ZNF304: variants seen among roughly 807,000 people sequenced by gnomAD.
The protein encoded by ZNF304 is zinc finger protein 304.
A neutral mutation model predicts 7.8 loss-of-function variants in ZNF304; 7 were observed. The ratio of observed to expected loss-of-function variants is 0.90; its 90% confidence interval spans 0.51 to 1.69. The LOEUF is 1.69. Among genes scored for constraint, ZNF304 ranks in the 40% most tolerant of loss-of-function variants. The pLI, the probability that ZNF304 is intolerant of heterozygous loss-of-function variation, is 0.00. For synonymous variants in ZNF304, 280 were observed against 272.4 expected (o/e 1.03, Z -0.27); for missense variants, 669 against 804.8 (o/e 0.83, Z 2.04).
chr19:57,355,399 G>T (rs773684061), intron 2 of ZNF304: 2 of 763,686 alleles, frequency 2.6e-6, no homozygotes, highest in Non-Finnish European at 4.8e-6. Flanking sequence ...TGCTGAATGG[G>T]AGCTGGAAGA....
At chr19:57,352,022 G>T (rs919600826) in intron 1 of ZNF304, 2 of 335,280 alleles carry the variant, frequency 6.0e-6, no homozygotes, top group Admixed American at 9.1e-5. Context: ...GTCATGCAAG[G>T]TTTGGTACAG....
rs773297335 is a variant in ZNF304 at position 57,356,892 on chromosome 19, A to G, written c.1023A>G (p.Gly341=). ...GATCTTATGACTGCAGTGAATGTGG[A>G]AAAGCCTACAGCAGAAGCTCCCACC... The part of the protein sequence containing the change: ...GERSYDCSEC[G]KAYSRSSHLV... The change falls in exon 3 of 3, where the codon GGA becomes GGG. Residue 341 remains glycine, a synonymous_variant. Coordinates refer to ENST00000282286, the MANE Select transcript of ZNF304 (RefSeq NM_020657.4). The G allele has an allele frequency of 6.2e-7, 1 of 1,613,964 alleles. No individual in the cohort carries two copies. The highest frequency in any genetic ancestry group is 1.1e-5 in the South Asian group (1 of 91,068).
intron 1 of ZNF304, among the ~76,000 whole-genome samples, chr19:57,353,056 C>G (rs1215742326): frequency 1.3e-5 from 2 of 152,076 alleles, no homozygotes; most frequent in African/African-American, 4.8e-5. Flanking sequence ...AAAATGGTGG[C>G]CAGTGTGTGG....
In ZNF304 at chr19:57,351,680, C is replaced by T. The variant is rs757471782; in HGVS notation, c.16C>T (p.Leu6=). The change falls in exon 1 of 3, where the codon CTG becomes TTG. Residue 6 remains leucine, a synonymous_variant. Transcript: ENST00000282286. The surrounding 1 kb of genome is among the most constrained non-coding windows in gnomAD (Gnocchi z 4.1). MAAAV[L]MDRVQSCVTF... The stretch of plus-strand genomic sequence containing the variant: ...TCCGCTTCTCATGGCAGCGGCGGTG[C>T]TGATGGACCGGGTTCAGGTGAGTGG... The T allele has an allele frequency of 1.2e-6, 2 of 1,612,872 alleles. No individual in the cohort carries two copies. Among genetic ancestry groups the T allele is most frequent in the African/African-American group, 2.7e-5 (2 of 74,908 alleles).
Position 57,357,837 on chromosome 19 carries a change from TA to T in ZNF304, c.1971del (p.Lys657AsnfsTer27), listed in dbSNP as rs2088368544. 2 of 1,589,008 alleles carry T rather than the reference TA, an allele frequency of 1.3e-6. No homozygotes were observed. Among genetic ancestry groups the T allele is most frequent in the African/African-American group, 1.4e-5 (1 of 73,412 alleles). ...TTGGTGGCCCTTTAGCTGCATCTCT[TA>T]AACTTGTTTAACACCAGAAAATTCA... The part of the protein sequence containing the change: ...SFGGPLAASL[K>X]LV On this transcript the variant is annotated frameshift_variant, in exon 3 of 3. Transcript: ENST00000282286. LOFTEE classifies it high-confidence loss of function.
rs764889746 is a variant in ZNF304 at position 57,357,600 on chromosome 19, C to T, written c.1731C>T (p.His577=). The T allele has an allele frequency of 5.9e-5, 95 of 1,614,102 alleles. No homozygotes were observed. The highest frequency in any genetic ancestry group is 7.6e-6 in the Non-Finnish European group (9 of 1,180,046). The part of the protein sequence containing the change: ...AYISSSHLVQ[H]KKVHTGARPY... The stretch of plus-strand genomic sequence containing the variant: ...TTAGTAGCTCCCACCTTGTTCAACA[C>T]AAGAAAGTTCACACTGGAGCAAGAC... Residue 577 remains histidine, a synonymous_variant, in exon 3 of 3, where the codon CAC becomes CAT. Transcript: ENST00000282286.
intron 2 of ZNF304, among the ~76,000 whole-genome samples, chr19:57,354,536 G>A (rs1383666737): frequency 1.3e-5 from 2 of 152,190 alleles, no homozygotes; most frequent in East Asian, 3.8e-4. Flanking sequence ...TGACACAGAA[G>A]CTAACTTCTC....
In ZNF304 at chr19:57,351,473, C is replaced by T. The variant is rs555262906; in HGVS notation, c.-192C>T. The T allele has an allele frequency of 6.3e-6, 4 of 634,968 alleles. No individual in the cohort carries two copies. The Admixed American group carries it at 8.6e-5, about 14-fold the overall frequency. The allele number at this position is 634,968 out of a possible 1,614,324, so 39.3% of individuals were successfully genotyped here. ...CGCGGAGGTGTCTGCCGGGGCTGGG[C>T]TCTTACCGAGGCCTCCACACACGTC... On this transcript the variant is annotated 5_prime_UTR_variant, in exon 1 of 3. Coordinates refer to ENST00000282286, the MANE Select transcript of ZNF304 (RefSeq NM_020657.4). The surrounding 1 kb of genome is among the most constrained non-coding windows in gnomAD (Gnocchi z 4.1).
At chr19:57,352,073 C>T (rs928243769) in intron 1 of ZNF304, 1 of 235,040 alleles carries the variant, frequency 4.3e-6, no homozygotes, top group Non-Finnish European at 8.3e-6. Flanking sequence ...AAGGCTCCCT[C>T]TGGCTGCAGA....
At position 57,357,360 on chromosome 19, in the gene ZNF304, C is replaced by T; in HGVS notation, c.1491C>T (p.His497=). 6 of 1,613,860 alleles carry T rather than the reference C, an allele frequency of 3.7e-6. No homozygotes were observed. The highest frequency in any genetic ancestry group is 5.1e-6 in the Non-Finnish European group (6 of 1,179,948). ...KDTLVQHQKI[H]TGERPYECGE... ...CACTTGTGCAACACCAAAAAATCCA[C>T]ACTGGAGAAAGGCCTTATGAGTGTG... is the stretch of plus-strand genomic sequence containing the variant. Residue 497 remains histidine, a synonymous_variant, in exon 3 of 3, where the codon CAC becomes CAT. Coordinates refer to ENST00000282286, the MANE Select transcript of ZNF304 (RefSeq NM_020657.4).
intron 2 of ZNF304, among the ~76,000 whole-genome samples, chr19:57,355,768 T>C (rs1195896128): frequency 6.6e-6 from 1 of 152,254 alleles, no homozygotes; most frequent in African/African-American, 2.4e-5. Flanking sequence ...GCTGAAACTC[T>C]CTTGCAGAGG....
At position 57,351,615 on chromosome 19, in the gene ZNF304, C is replaced by T. The variant is rs748169982; in HGVS notation, c.-50C>T. 5 of 1,610,452 alleles carry T rather than the reference C, an allele frequency of 3.1e-6. No homozygotes were observed. In the African/African-American group the frequency reaches 5.3e-5, roughly 17 times the overall value. ...CCGAGGGCGTCCAGCGCGGTGGAGG[C>T]GTGGGGTTTCGGCTGAGCCCACAGG... is the stretch of plus-strand genomic sequence containing the variant. On this transcript the variant is annotated 5_prime_UTR_variant, in exon 1 of 3. Transcript: ENST00000282286. The surrounding 1 kb of genome is among the most constrained non-coding windows in gnomAD (Gnocchi z 4.1).
Position 57,356,143 on chromosome 19 carries a change from G to A in ZNF304, c.274G>A (p.Glu92Lys). ...SGLFQKAHPC[E>K]MCDPLLKDIL... ...TCTTTTCCAGAAAGCACACCCATGT[G>A]AGATGTGTGACCCACTCTTGAAAGA... Residue 92 changes from glutamate to lysine, a missense_variant, in exon 3 of 3, where the codon GAG (glutamate) becomes AAG (lysine). Coordinates refer to ENST00000282286, the MANE Select transcript of ZNF304 (RefSeq NM_020657.4). 1 of 1,614,280 alleles carries A rather than the reference G, an allele frequency of 6.2e-7. No individual in the cohort carries two copies. The highest frequency in any genetic ancestry group is 8.5e-7 in the Non-Finnish European group (1 of 1,180,054).
chr19:57,356,435 A>C lies in ZNF304; in HGVS notation c.566A>C (p.Tyr189Ser). ...SSGLFQHQTT[Y>S]NRVSPCRRTE... ...GGCCTTTTCCAGCACCAGACCACTT[A>C]CAATAGGGTGAGTCCATGCAGAAGG... is the stretch of plus-strand genomic sequence containing the variant. Residue 189 changes from tyrosine to serine, a missense_variant, in exon 3 of 3, where the codon TAC (tyrosine) becomes TCC (serine). Tyr to Ser is a moderately radical substitution (Grantham distance 144). Transcript: ENST00000282286. 1 of 1,614,208 alleles carries C rather than the reference A, an allele frequency of 6.2e-7. No homozygotes were observed. The highest frequency in any genetic ancestry group is 8.5e-7 in the Non-Finnish European group (1 of 1,180,036).
Position 57,356,973 on chromosome 19 carries a change from T to C in ZNF304, c.1104T>C (p.Cys368=), listed in dbSNP as rs1368913648. 2 of 1,605,620 alleles carry C rather than the reference T, an allele frequency of 1.2e-6. No individual in the cohort carries two copies. The highest frequency in any genetic ancestry group is 1.1e-5 in the South Asian group (1 of 90,602). ...TGERPYKCNK[C]GKAFSRKDTL... ...AAAGGCCTTATAAGTGCAACAAATG[T>C]GGGAAAGCCTTTAGCCGTAAAGACA... Residue 368 remains cysteine (C), a synonymous_variant, in exon 3 of 3, where the codon TGT becomes TGC. Coordinates refer to ENST00000282286, the MANE Select transcript of ZNF304 (RefSeq NM_020657.4).
Position 57,357,900 on chromosome 19 carries a change from C to A in ZNF304, c.*51C>A. 6.5e-7 allele frequency: 1 copy of A among 1,539,100 alleles called. No individual in the cohort carries two copies. Among genetic ancestry groups the A allele is most frequent in the South Asian group, 1.3e-5 (1 of 76,880 alleles). On this transcript the variant is annotated 3_prime_UTR_variant, in exon 3 of 3. Transcript: ENST00000282286. ...GGCCTTATGAATGCAGAAAATATGT[C>A]ATCTTGTTCATCCTCATAGGACTCA...
Position 57,357,200 on chromosome 19 carries a change from C to T in ZNF304, c.1331C>T (p.Ala444Val), listed in dbSNP as rs2088355687. ...LIKHRRVHTGARSYVCSKCGK... is the reference protein window; with the variant it reads ...LIKHRRVHTGVRSYVCSKCGK... ...AAACATCGGAGAGTCCACACAGGAG[C>T]AAGATCCTACGTGTGCAGCAAATGT... Residue 444 changes from alanine (A) to valine (V), a missense_variant, in exon 3 of 3, where the codon GCA (alanine) becomes GTA (valine). Transcript: ENST00000282286. The T allele has an allele frequency of 1.9e-6, 3 of 1,613,288 alleles. No homozygotes were observed. Among genetic ancestry groups the T allele is most frequent in the East Asian group, 4.5e-5 (2 of 44,762 alleles).
chr19:57,356,341 T>A lies in ZNF304; in HGVS notation c.472T>A (p.Cys158Ser), dbSNP rs1014640869. 15 of 1,614,068 alleles carry A rather than the reference T, an allele frequency of 9.3e-6. No homozygotes were observed. The highest frequency in any genetic ancestry group is 1.3e-5 in the Non-Finnish European group (15 of 1,180,040). ...TGGAGGGGCCTCATTTGTGAAGAGCTGTACAGTCCACATGTTAGGGAGATC... is the reference window on the plus strand; with the variant it reads ...TGGAGGGGCCTCATTTGTGAAGAGCAGTACAGTCCACATGTTAGGGAGATC... ...DDGGASFVKS[C>S]TVHMLGRSFT... The change falls in exon 3 of 3, where the codon TGT becomes AGT. Residue 158 changes from cysteine to serine, a missense_variant. Physicochemically the swap from Cys to Ser is moderately radical, Grantham distance 112 (BLOSUM62 -1). Coordinates refer to ENST00000282286, the MANE Select transcript of ZNF304 (RefSeq NM_020657.4).
chr19:57,356,987 G>A lies in ZNF304; in HGVS notation c.1118G>A (p.Ser373Asn), dbSNP rs1391177280. 6.2e-7 allele frequency: 1 copy of A among 1,605,964 alleles called. No homozygotes were observed. Among genetic ancestry groups the A allele is most frequent in the South Asian group, 1.1e-5 (1 of 90,614 alleles). ...YKCNKCGKAF[S>N]RKDTLVQHQR... ...TGCAACAAATGTGGGAAAGCCTTTA[G>A]CCGTAAAGACACACTTGTTCAGCAC... Residue 373 changes from serine to asparagine, a missense_variant, in exon 3 of 3, where the codon AGC (serine) becomes AAC (asparagine). Coordinates refer to ENST00000282286, the MANE Select transcript of ZNF304 (RefSeq NM_020657.4).
Sources: gnomAD v4.1 joint callset for allele counts (sites outside exome capture counted in the v4.1 genomes callset) on GRCh38, gnomAD v4.1.1 for gene constraint, Gnocchi (gnomAD v3.1) non-coding constraint, MANE v1.5 for transcripts, NCBI Gene and HGNC (gene_info 2026-07-23, HGNC 2026-07-21) for gene names.